The following SPATA18 variants were observed in gnomAD, a reference collection of about 807,000 sequenced individuals.
SPATA18 encodes the protein mitochondria-eating protein.
SPATA18 carries 54 observed loss-of-function variants against 68.1 expected under a neutral mutation model. The observed-to-expected ratio is 0.79, with a 90% CI of 0.64 to 0.99. The LOEUF (loss-of-function observed/expected upper bound fraction) is 0.99, where lower values mean the gene tolerates loss of function less well. SPATA18 is among the 50% of genes least tolerant of loss of function. SPATA18 has a pLI of 0.00. For missense variants in SPATA18, 724 were observed against 681.1 expected (o/e 1.06, Z -0.70); for synonymous variants, 242 against 244.8 (o/e 0.99, Z 0.11).
intron 11 of SPATA18, among the ~76,000 whole-genome samples, chr4:52,090,847 G>C (rs955830216): frequency 1.3e-5 from 2 of 151,960 alleles, no homozygotes; most frequent in Admixed American, 6.6e-5. Flanking sequence ...TGCTTGGTTG[G>C]GGAATATCTC....
intron 1 of SPATA18, among the ~76,000 whole-genome samples, chr4:52,059,676 T>G (rs1178349111): frequency 2.0e-5 from 3 of 152,224 alleles, no homozygotes; most frequent in African/African-American, 4.8e-5. Context: ...TAGGTAAGAC[T>G]TATTATTCCG....
intron 6 of SPATA18, among the ~76,000 whole-genome samples, chr4:52,076,117 T>C (rs145049622): frequency 3.8e-4 from 58 of 152,220 alleles, no homozygotes; most frequent in African/African-American, 1.3e-3. Context: ...TCTGTACTAG[T>C]GGTATATGTA....
Position 52,051,655 on chromosome 4 carries a change from T to G in SPATA18, c.-50T>G, listed in dbSNP as rs780512721. 3 of 1,575,782 alleles carry G rather than the reference T, an allele frequency of 1.9e-6. No homozygotes were observed. The highest frequency in any genetic ancestry group is 2.6e-6 in the Non-Finnish European group (3 of 1,145,324). ...CGGTCCTGCGGAGGCCACCGCCTGG[T>G]CCCCCCAAGTCTCCATCGCGCAGCG... On this transcript the variant is annotated 5_prime_UTR_variant, in exon 1 of 13. Coordinates refer to ENST00000295213, the MANE Select transcript of SPATA18 (RefSeq NM_145263.4).
chr4:52,071,289 G>A (rs2109456310), intron 5 of SPATA18, among the ~76,000 whole-genome samples: 1 of 152,086 alleles, frequency 6.6e-6, no homozygotes, highest in South Asian at 2.1e-4. Flanking sequence ...TTGTTTTATG[G>A]TGGCCATGCC....
At chr4:52,060,959 C>G in intron 3 of SPATA18, 62 bp downstream of exon 3, 1 of 1,337,056 alleles carries the variant, frequency 7.5e-7, no homozygotes, top group South Asian at 1.2e-5. Context: ...AATCAGAAAC[C>G]TCCAAGAGAA....
Position 52,077,017 on chromosome 4 carries a change from C to T in SPATA18, c.997C>T (p.Arg333Trp), listed in dbSNP as rs1740429709. The change falls in exon 7 of 13, where the codon CGG becomes TGG. Residue 333 changes from arginine to tryptophan, a missense_variant. Physicochemically the swap from Arg to Trp is moderately radical, Grantham distance 101 (BLOSUM62 -3). Coordinates refer to ENST00000295213, the MANE Select transcript of SPATA18 (RefSeq NM_145263.4). ...CATCGACAAGGCTGAGACCGTTCAGCGGATCATCTACATCGCCACAGTGGT... is the reference window on the plus strand; with the variant it reads ...CATCGACAAGGCTGAGACCGTTCAGTGGATCATCTACATCGCCACAGTGGT... ...RCIDKAETVQ[R>W]IIYIATVEAF... is the part of the protein sequence containing the mutation. 2.5e-6 allele frequency: 4 copies of T among 1,608,214 alleles called. No homozygotes were observed. Among genetic ancestry groups the T allele is most frequent in the Non-Finnish European group, 2.5e-6 (3 of 1,177,128 alleles).
Position 52,079,748 on chromosome 4 carries a change from T to C in SPATA18, c.1184T>C (p.Val395Ala), listed in dbSNP as rs1474742486. The change falls in exon 9 of 13, where the codon GTG becomes GCG. Residue 395 changes from valine (V) to alanine (A), a missense_variant. Val to Ala is a moderately conservative substitution (Grantham distance 64). Transcript: ENST00000295213. ...LYDSQSSVND[V>A]IRAMNVNPKI... ...ATGCCATCTTTTGTTTTTCAGGATGTGATCCGAGCCATGAATGTCAATCCC... is the reference window on the plus strand; with the variant it reads ...ATGCCATCTTTTGTTTTTCAGGATGCGATCCGAGCCATGAATGTCAATCCC... 1.5e-5 allele frequency: 24 copies of C among 1,613,652 alleles called. No homozygotes were observed. Among genetic ancestry groups the C allele is most frequent in the Non-Finnish European group, 1.9e-5 (23 of 1,179,814 alleles).
rs1738790414 is a variant in SPATA18 at position 52,060,896 on chromosome 4, A to G, written c.308A>G (p.Gln103Arg). 2 of 1,611,878 alleles carry G rather than the reference A, an allele frequency of 1.2e-6. No homozygotes were observed. Among genetic ancestry groups the G allele is most frequent in the African/African-American group, 2.7e-5 (2 of 74,870 alleles). Residue 103 changes from glutamine (Q) to arginine (R), a missense_variant and splice_region_variant, in exon 3 of 13, where the codon CAG becomes CGG. Transcript: ENST00000295213. ...GTTGACAGCAAGGTCCCCTCTCTGC[A>G]GGTAGGGATGCTGAAGGATAACCCT... ...KSVDSKVPSL[Q>R]DTFDRERHKD...
At chr4:52,091,125 G>T (rs1246603719) in intron 11 of SPATA18, among the ~76,000 whole-genome samples, 2 of 151,518 alleles carry the variant, frequency 1.3e-5, no homozygotes, top group Non-Finnish European at 2.9e-5. Flanking sequence ...CTTGTGCTGT[G>T]TTCAGCCCCA....
At position 52,094,972 on chromosome 4, in the gene SPATA18, G is replaced by C. The variant is rs964805900; in HGVS notation, c.*85G>C. 1 of 1,525,326 alleles carries C rather than the reference G, an allele frequency of 6.6e-7. No individual in the cohort carries two copies. Among genetic ancestry groups the C allele is most frequent in the African/African-American group, 1.4e-5 (1 of 73,088 alleles). The allele number at this position is 1,525,326 out of a possible 1,614,324, so 94.5% of individuals were successfully genotyped here. A position where few individuals can be genotyped will look rare whatever the true frequency, so the allele number is the denominator to read the frequency against. ...CCATCTGTCTTCTGTGTCTGCCTCA[G>C]ACCTCACTTAAGATAATGTCAAAAG... On this transcript the variant is annotated 3_prime_UTR_variant, in exon 13 of 13. Coordinates refer to ENST00000295213, the MANE Select transcript of SPATA18 (RefSeq NM_145263.4).
chr4:52,061,806 A>T (rs961620478), intron 3 of SPATA18, among the ~76,000 whole-genome samples: 2 of 152,054 alleles, frequency 1.3e-5, no homozygotes, highest in East Asian at 1.9e-4. Context: ...TCATTAAGTA[A>T]TTTTTTTTCC....
intron 4 of SPATA18, 21 bp downstream of exon 4, chr4:52,062,353 C>G (rs944098047): frequency 1.4e-6 from 2 of 1,480,830 alleles, no homozygotes; most frequent in Non-Finnish European, 1.9e-6. Context: ...TGCAAGTTAT[C>G]TTTTTCCAAA....
rs1742312369 is a variant in SPATA18, at chr4:52,095,013, A to G, written c.*126A>G. On this transcript the variant is annotated 3_prime_UTR_variant, in exon 13 of 13. Transcript: ENST00000295213. ...ATGTCAAAAGGCAATTCTGTGTATC[A>G]CCCCACACAGAGAGTTAAATGTTTT... 10 of 1,102,926 alleles carry G rather than the reference A, an allele frequency of 9.1e-6. No individual in the cohort carries two copies. Among genetic ancestry groups the G allele is most frequent in the Non-Finnish European group, 1.4e-5 (10 of 723,238 alleles). 68.3% of individuals were successfully genotyped at this position (1,102,926 alleles called of 1,614,324 possible).
At chr4:52,073,893 T>G (rs1191386378) in intron 6 of SPATA18, among the ~76,000 whole-genome samples, 1 of 152,206 alleles carries the variant, frequency 6.6e-6, no homozygotes, top group Non-Finnish European at 1.5e-5. Context: ...TGACAGCAAC[T>G]TGTTCAGCTA....
Position 52,051,559 on chromosome 4 carries a change from G to C in SPATA18, c.-146G>C, listed in dbSNP as rs1178807993. The C allele has an allele frequency of 1.3e-5, 10 of 778,856 alleles. No individual in the cohort carries two copies. The highest frequency in any genetic ancestry group is 2.2e-5 in the Non-Finnish European group (10 of 460,070). 48.2% of individuals were successfully genotyped at this position (778,856 alleles called of 1,614,324 possible). ...CGAACCCGGCCAGGTCCGACCCGAG[G>C]GGGAGGATGGAAACACCTGCCGCGC... On this transcript the variant is annotated 5_prime_UTR_variant, in exon 1 of 13. Coordinates refer to ENST00000295213, the MANE Select transcript of SPATA18 (RefSeq NM_145263.4).
In SPATA18 at chr4:52,082,455, T is replaced by A. The variant is rs769410440; in HGVS notation, c.1424T>A (p.Met475Lys). Residue 475 changes from methionine to lysine, a missense_variant, in exon 10 of 13, where the codon ATG (methionine) becomes AAG (lysine). Transcript: ENST00000295213. The stretch of plus-strand genomic sequence containing the variant: ...CTCTATCACGTGTGGCCTGCTCTCA[T>A]GGAGAATGACTGTGTCATTATGAAG... ...LVLYHVWPALMENDCVIMKGE... is the reference protein window; with the variant it reads ...LVLYHVWPALKENDCVIMKGE... 1.1e-5 allele frequency: 17 copies of A among 1,614,106 alleles called. No individual in the cohort carries two copies. In the East Asian group the frequency reaches 3.8e-4, roughly 36 times the overall value.
At chr4:52,056,008 G>A (rs547744214) in intron 1 of SPATA18, among the ~76,000 whole-genome samples, 1 of 151,840 alleles carries the variant, frequency 6.6e-6, no homozygotes, top group Admixed American at 6.6e-5. Context: ...CTGCTTCTTC[G>A]GCCTCCTTAT....
chr4:52,062,188 T>G (rs1394644195), intron 3 of SPATA18, 32 bp from the exon 4 acceptor site: 5 of 76,900 alleles, frequency 6.5e-5, no homozygotes, highest in South Asian at 2.1e-4. Flanking sequence ...TTCAGACTGT[T>G]TTTTTTTTTT....
chr4:52,094,463 A>G (rs1462311644), intron 11 of SPATA18, 64 bp from the exon 12 acceptor site: 20 of 1,546,714 alleles, frequency 1.3e-5, no homozygotes, highest in Non-Finnish European at 1.7e-5. Context: ...AAAATATGTC[A>G]AAAGAATTCA....
Sources: allele counts gnomAD v4.1 joint callset (sites outside exome capture counted in the v4.1 genomes callset), GRCh38; gene constraint gnomAD v4.1.1; transcripts MANE v1.5; gene names NCBI Gene and HGNC (gene_info 2026-07-23, HGNC 2026-07-21).